Variants in CAB39 observed in about 807,000 individuals in gnomAD.
CAB39 encodes the protein calcium-binding protein 39.
In CAB39, 8 loss-of-function variants were observed where a neutral mutation model predicts 40.0. The ratio of observed to expected loss-of-function variants is 0.20; its 90% confidence interval spans 0.12 to 0.36. The LOEUF is 0.36. Among genes scored for constraint, CAB39 ranks in the 10% least tolerant of loss-of-function variants. The pLI, the probability that CAB39 is intolerant of heterozygous loss-of-function variation, is 1.00. For synonymous variants in CAB39, 156 were observed against 141.6 expected (o/e 1.10, Z -0.72); for missense variants, 270 against 401.1 (o/e 0.67, Z 2.79).
chr2:230,713,187 AG>A lies in CAB39; in HGVS notation c.-86del, dbSNP rs1273790013. 1 of 152,350 alleles carries A rather than the reference AG, an allele frequency of 6.6e-6. No homozygotes were observed. The highest frequency in any genetic ancestry group is 1.9e-4 in the East Asian group (1 of 5,204). 9.4% of individuals were successfully genotyped at this position (152,350 alleles called of 1,614,324 possible). ...AGCGGCGGCGGCCGAGGACGGGGAC[AG>A]CGACGACGCGGAGGCAGAGAAGGGA... On this transcript the variant is annotated 5_prime_UTR_variant, in exon 1 of 9. Transcript: ENST00000258418.
At chr2:230,767,000 A>C (rs1013735144) in intron 2 of CAB39, among the ~76,000 whole-genome samples, 1 of 152,222 alleles carries the variant, frequency 6.6e-6, no homozygotes, top group African/African-American at 2.4e-5. Flanking sequence ...AACCCATATG[A>C]AGAAAGCTCA....
At chr2:230,725,076 G>A in intron 1 of CAB39, 1 of 1,538,466 alleles carries the variant, frequency 6.5e-7, no homozygotes, top group Admixed American at 1.7e-5. Flanking sequence ...TAGAGGACAG[G>A]GGAGGAGTCC....
At chr2:230,726,431 C>G (rs1694573284) in intron 1 of CAB39, among the ~76,000 whole-genome samples, 1 of 152,054 alleles carries the variant, frequency 6.6e-6, no homozygotes, top group South Asian at 2.1e-4. Context: ...TTCGGACTCC[C>G]AAAGTGCTGG....
At chr2:230,800,464 A>G (rs1696069868) in intron 5 of CAB39, among the ~76,000 whole-genome samples, 3 of 152,268 alleles carry the variant, frequency 2.0e-5, no homozygotes, top group South Asian at 4.1e-4. Context: ...ATTTGAGATT[A>G]TAACATAGAG....
Position 230,732,975 on chromosome 2 carries a change from T to C in CAB39, c.-44+19745T>C, listed in dbSNP as rs541072911. Among the ~76,000 whole-genome samples the C allele has an allele frequency of 2.6e-5, 4 of 152,332 alleles. 1 individual carries two copies. In the South Asian group the frequency reaches 6.2e-4, roughly 24 times the overall value. ...TTATCACTGACAATTAAAAAAAATT[T>C]TAAATATGGAATTTTTTTCAACCAG... On this transcript the variant is annotated intron_variant, in intron 1 of 8. Coordinates refer to ENST00000258418, the MANE Select transcript of CAB39 (RefSeq NM_016289.4).
At chr2:230,755,611 C>T (rs1266926808) in intron 1 of CAB39, among the ~76,000 whole-genome samples, 4 of 152,186 alleles carry the variant, frequency 2.6e-5, no homozygotes, top group Non-Finnish European at 5.9e-5. Flanking sequence ...ACTCTGCTAA[C>T]TGTTCTTTTG....
chr2:230,734,015 A>G (rs1048913540), intron 1 of CAB39, among the ~76,000 whole-genome samples: 3 of 152,220 alleles, frequency 2.0e-5, no homozygotes, highest in Non-Finnish European at 4.4e-5. Context: ...TGCAGAGTAT[A>G]TGGAAGAATA....
chr2:230,785,185 GA>G (rs1371797934), intron 2 of CAB39, among the ~76,000 whole-genome samples: 1 of 152,054 alleles, frequency 6.6e-6, no homozygotes, highest in African/African-American at 2.4e-5. Context: ...CATAATCTTT[GA>G]AAAAGAACTT....
intron 2 of CAB39, among the ~76,000 whole-genome samples, chr2:230,782,816 T>TTTTTC (rs1553674489): frequency 8.1e-6 from 1 of 123,520 alleles, no homozygotes; most frequent in African/African-American, 3.4e-5. Flanking sequence ...TTTCTTTCTT[T>TTTTTC]TTTTTTTTTT....
rs111988476 is a variant in CAB39 at position 230,812,724 on chromosome 2, G to A, written c.628-1325G>A. 9.2e-3 allele frequency among the ~76,000 whole-genome samples: 1,399 copies of A among 152,322 alleles called. 22 individuals carry two copies. The highest frequency in any genetic ancestry group is 0.03 in the African/African-American group (1,253 of 41,566). On this transcript the variant is annotated intron_variant, in intron 6 of 8. Transcript: ENST00000258418. ...GCTCACCTCTGCCAAGAGGCAGGCA[G>A]AAGAAATAATGTATAATTCTGTGTT...
chr2:230,809,700 T>C (rs911596751), intron 5 of CAB39, among the ~76,000 whole-genome samples: 1 of 152,226 alleles, frequency 6.6e-6, no homozygotes, highest in Non-Finnish European at 1.5e-5. Context: ...ACAGTCGTTG[T>C]TAATTCTACG....
chr2:230,764,069 C>A (rs1309403445), intron 2 of CAB39, among the ~76,000 whole-genome samples: 1 of 151,962 alleles, frequency 6.6e-6, no homozygotes, highest in Non-Finnish European at 1.5e-5. Context: ...TTGCAGGGAG[C>A]CAAGATCGTG....
At chr2:230,774,662 C>T (rs1393838148) in intron 2 of CAB39, among the ~76,000 whole-genome samples, 1 of 152,128 alleles carries the variant, frequency 6.6e-6, no homozygotes, top group African/African-American at 2.4e-5. Flanking sequence ...GCTATATTCA[C>T]TCATTTCATG....
At chr2:230,784,656 G>A (rs1440660763) in intron 2 of CAB39, among the ~76,000 whole-genome samples, 1 of 152,174 alleles carries the variant, frequency 6.6e-6, no homozygotes, top group African/African-American at 2.4e-5. Context: ...AGAGGCGGGT[G>A]TAATCAGCAA....
At chr2:230,760,875 T>C (rs1188845022) in intron 2 of CAB39, among the ~76,000 whole-genome samples, 1 of 152,228 alleles carries the variant, frequency 6.6e-6, no homozygotes, top group Non-Finnish European at 1.5e-5. Flanking sequence ...GTTCATACTC[T>C]TTGTGATTTT....
chr2:230,818,927 C>G lies in CAB39; in HGVS notation c.*223C>G. On this transcript the variant is annotated 3_prime_UTR_variant, in exon 9 of 9. Coordinates refer to ENST00000258418, the MANE Select transcript of CAB39 (RefSeq NM_016289.4). Reference sequence around the variant, plus strand: ...CTTTCTCTTGATCTTTGTGTCATTTCAGAATTCAAAGACTGTGCTACGGGA... The same window carrying G: ...CTTTCTCTTGATCTTTGTGTCATTTGAGAATTCAAAGACTGTGCTACGGGA... 2.2e-6 allele frequency: 1 copy of G among 454,212 alleles called. No homozygotes were observed. Among genetic ancestry groups the G allele is most frequent in the Non-Finnish European group, 4.0e-6 (1 of 248,276 alleles). The allele number at this position is 454,212 out of a possible 1,614,324, so 28.1% of individuals were successfully genotyped here. A position where few individuals can be genotyped will look rare whatever the true frequency, so the allele number is the denominator to read the frequency against.
chr2:230,799,903 T>C (rs1575955530), intron 5 of CAB39, among the ~76,000 whole-genome samples: 1 of 150,672 alleles, frequency 6.6e-6, no homozygotes, highest in East Asian at 2.0e-4. Flanking sequence ...GGCAGGAGAA[T>C]CGCTTGAACC....
chr2:230,772,545 C>T (rs1195016587), intron 2 of CAB39, among the ~76,000 whole-genome samples: 1 of 149,952 alleles, frequency 6.7e-6, no homozygotes, highest in African/African-American at 2.5e-5. Context: ...AGTGCAGTGG[C>T]ACAGTCTCGG....
At chr2:230,738,035 C>T (rs1694816913) in intron 1 of CAB39, among the ~76,000 whole-genome samples, 2 of 152,302 alleles carry the variant, frequency 1.3e-5, no homozygotes, top group Admixed American at 1.3e-4. Flanking sequence ...ATTTTTCTCG[C>T]CTTATCATGC....
Sources: gnomAD v4.1 joint callset for allele counts (sites outside exome capture counted in the v4.1 genomes callset) on GRCh38, gnomAD v4.1.1 for gene constraint, MANE v1.5 for transcripts, NCBI Gene and HGNC (gene_info 2026-07-23, HGNC 2026-07-21) for gene names.